Variants in NQO1 observed in about 807,000 individuals in gnomAD.
The protein encoded by NQO1 is NAD(P)H quinone dehydrogenase 1.
Under a neutral mutation model 32.1 loss-of-function variants are expected in NQO1, and 30 were observed. The observed-to-expected ratio is 0.94, with a 90% CI of 0.70 to 1.27. The LOEUF (loss-of-function observed/expected upper bound fraction) is 1.27, where lower values mean the gene tolerates loss of function less well. NQO1 is among the 50% of genes most tolerant of loss of function. The pLI, the probability that NQO1 is intolerant of heterozygous loss-of-function variation, is 0.00. For synonymous variants in NQO1, 109 were observed against 119.7 expected (o/e 0.91, Z 0.59); for missense variants, 276 against 331.3 (o/e 0.83, Z 1.30).
chr16:69,711,878 T>C (rs2038046585), intron 5 of NQO1, among the ~76,000 whole-genome samples: 1 of 152,058 alleles, frequency 6.6e-6, no homozygotes, highest in Admixed American at 6.6e-5. Flanking sequence ...GGTCTCGAAC[T>C]CCTGACCTCA....
chr16:69,711,061 T>C lies in NQO1; in HGVS notation c.740A>G (p.Glu247Gly). 6.2e-7 allele frequency: 1 copy of C among 1,614,216 alleles called. No homozygotes were observed. The highest frequency in any genetic ancestry group is 8.5e-7 in the Non-Finnish European group (1 of 1,180,038). Residue 247 changes from glutamate to glycine, a missense_variant, in exon 6 of 6, where the codon GAG (glutamate) becomes GGG (glycine). Coordinates refer to ENST00000320623, the MANE Select transcript of NQO1 (RefSeq NM_000903.3). ...AGAAAGGCCAAATTTCTTGTTTTTC[T>C]CCTCATCCTGTACCTCTTTTTTCAT... ...FLMKKEVQDE[E>G]KNKKFGLSVG...
rs754101677 is a variant in NQO1, at chr16:69,711,104, A to G, written c.697T>C (p.Phe233Leu). 8.1e-6 allele frequency: 13 copies of G among 1,614,170 alleles called. No homozygotes were observed. Among genetic ancestry groups the G allele is most frequent in the Non-Finnish European group, 1.1e-5 (13 of 1,180,032 alleles). ...TTTTTCATTAAGAATCCTGCCTGGAAGTTTAGGTCAAAGAGGCTGCTTGGA... is the reference window on the plus strand; with the variant it reads ...TTTTTCATTAAGAATCCTGCCTGGAGGTTTAGGTCAAAGAGGCTGCTTGGA... ...FAPSSLFDLN[F>L]QAGFLMKKEV... Residue 233 changes from phenylalanine (F) to leucine (L), a missense_variant, in exon 6 of 6, where the codon TTC becomes CTC. By Grantham distance (22) the Phe-to-Leu change is conservative. Coordinates refer to ENST00000320623, the MANE Select transcript of NQO1 (RefSeq NM_000903.3).
intron 5 of NQO1, among the ~76,000 whole-genome samples, chr16:69,712,159 C>T (rs1335588043): frequency 1.3e-5 from 2 of 152,086 alleles, no homozygotes; most frequent in African/African-American, 4.8e-5. Context: ...GTGATCATAG[C>T]TCATTGCAGC....
intron 1 of NQO1, among the ~76,000 whole-genome samples, chr16:69,722,785 T>C (rs1211164866): frequency 6.6e-6 from 1 of 152,184 alleles, no homozygotes. Context: ...TGAGGCTGCC[T>C]CAACAAATTC....
chr16:69,724,185 C>T lies in NQO1; in HGVS notation c.7+2248G>A, dbSNP rs552086023. ...ACAATTAGCTGGGCGTGGTGGTGGG[C>T]GCCTGTAATCCCAGCTACTTGGGAG... On this transcript the variant is annotated intron_variant, in intron 1 of 5. Transcript: ENST00000320623. Among the ~76,000 whole-genome samples the T allele has an allele frequency of 2.2e-3, 334 of 151,858 alleles. 2 individuals are homozygous for T. Among genetic ancestry groups the T allele is most frequent in the South Asian group, 5.0e-3 (24 of 4,792 alleles).
chr16:69,718,666 G>A, intron 1 of NQO1, 132 bp from the exon 2 acceptor site: 2 of 790,332 alleles, frequency 2.5e-6, no homozygotes, highest in Non-Finnish European at 4.0e-6. Flanking sequence ...TCCATCTCCT[G>A]TAGCCAGAAA....
chr16:69,713,865 C>A (rs185417413), intron 4 of NQO1, among the ~76,000 whole-genome samples: 1 of 150,780 alleles, frequency 6.6e-6, no homozygotes, highest in South Asian at 2.1e-4. Context: ...CCACCACATC[C>A]GGCTAATTTT....
At chr16:69,717,089 AAAAG>A (rs2038123097) in intron 3 of NQO1, among the ~76,000 whole-genome samples, 1 of 151,334 alleles carries the variant, frequency 6.6e-6, no homozygotes, top group African/African-American at 2.5e-5. Flanking sequence ...CTAAAAAAAA[AAAAG>A]AGAGAGAGAG....
chr16:69,713,888 G>GTTTTTTTTGTTTGTTTTTTTT (rs376877333), intron 4 of NQO1, among the ~76,000 whole-genome samples: 1 of 130,030 alleles, frequency 7.7e-6, no homozygotes, highest in East Asian at 2.6e-4. Flanking sequence ...TTTTGTTTTT[G>GTTTTTTTTGTTTGTTTTTTTT]TTTTTGATAT....
chr16:69,717,022 G>T (rs569858682), intron 3 of NQO1, among the ~76,000 whole-genome samples: 3 of 151,562 alleles, frequency 2.0e-5, no homozygotes, highest in East Asian at 1.9e-4. Flanking sequence ...TTAGCAACAG[G>T]CCTGTGGGTA....
At chr16:69,713,723 G>C (rs7200270) in intron 4 of NQO1, among the ~76,000 whole-genome samples, 126,660 of 151,348 alleles carry the variant, frequency 0.84, 53,093 homozygotes, top group Admixed American at 0.9. Flanking sequence ...TTTTTTTCCT[G>C]TGAGACAGAG....
At chr16:69,713,258 C>T in intron 4 of NQO1, 129 bp from the exon 5 acceptor site, 1 of 705,914 alleles carries the variant, frequency 1.4e-6, no homozygotes, top group South Asian at 1.8e-5. Flanking sequence ...TTACTTCATA[C>T]TTTGGCTCCC....
At chr16:69,722,324 G>T (rs1472951980) in intron 1 of NQO1, among the ~76,000 whole-genome samples, 2 of 151,978 alleles carry the variant, frequency 1.3e-5, no homozygotes, top group African/African-American at 4.8e-5. Flanking sequence ...CACCACGCCC[G>T]GCTAATTTTT....
chr16:69,726,421 T>A lies in NQO1; in HGVS notation c.7+12A>T. 1 of 1,612,236 alleles carries A rather than the reference T, an allele frequency of 6.2e-7. No individual in the cohort carries two copies. Among genetic ancestry groups the A allele is most frequent in the South Asian group, 1.1e-5 (1 of 91,026 alleles). ...GACGACCGCCAAGCACCCCGCCCTTTGCAGCACTCACCGACCATGGCTCTG... is the reference window on the plus strand; with the variant it reads ...GACGACCGCCAAGCACCCCGCCCTTAGCAGCACTCACCGACCATGGCTCTG... On this transcript the variant is annotated intron_variant, in intron 1 of 5. Coordinates refer to ENST00000320623, the MANE Select transcript of NQO1 (RefSeq NM_000903.3).
chr16:69,717,449 A>G (rs2038128477), intron 3 of NQO1, among the ~76,000 whole-genome samples: 1 of 152,206 alleles, frequency 6.6e-6, no homozygotes, highest in African/African-American at 2.4e-5. Context: ...GGAGAACTGC[A>G]AATTTTGAGA....
intron 3 of NQO1, among the ~76,000 whole-genome samples, chr16:69,717,636 C>T (rs1385119210): frequency 2.7e-5 from 4 of 149,876 alleles, no homozygotes; most frequent in Admixed American, 2.7e-4. Context: ...GACAGAATCT[C>T]GCTCTGTCGC....
In NQO1 at chr16:69,711,048, T is replaced by C. The variant is rs762399093; in HGVS notation, c.753A>G (p.Lys251=). ...AGTGATGGCCCACAGAAAGGCCAAA[T>C]TTCTTGTTTTTCTCCTCATCCTGTA... ...KEVQDEEKNK[K]FGLSVGHHLG... is the part of the protein sequence containing the mutation. Residue 251 remains lysine (K), a synonymous_variant, in exon 6 of 6, where the codon AAA becomes AAG. Coordinates refer to ENST00000320623, the MANE Select transcript of NQO1 (RefSeq NM_000903.3). 1.9e-6 allele frequency: 3 copies of C among 1,614,062 alleles called. No homozygotes were observed. In the East Asian group the frequency reaches 6.7e-5, roughly 36 times the overall value.
chr16:69,726,355 C>G, intron 1 of NQO1, 78 bp downstream of exon 1: 1 of 1,581,094 alleles, frequency 6.3e-7, no homozygotes, highest in Non-Finnish European at 8.6e-7. Context: ...AATTCAGGGC[C>G]AAGCCCCTAC....
chr16:69,710,935 G>C lies in NQO1; in HGVS notation c.*41C>G. 1 of 1,568,924 alleles carries C rather than the reference G, an allele frequency of 6.4e-7. No individual in the cohort carries two copies. The highest frequency in any genetic ancestry group is 8.6e-7 in the Non-Finnish European group (1 of 1,157,138). ...TCAGGGAAGCCTGGAAAGATACCCAGATTTGATAACATGTTAGAAGGAAAT... is the reference window on the plus strand; with the variant it reads ...TCAGGGAAGCCTGGAAAGATACCCACATTTGATAACATGTTAGAAGGAAAT... On this transcript the variant is annotated 3_prime_UTR_variant, in exon 6 of 6. Coordinates refer to ENST00000320623, the MANE Select transcript of NQO1 (RefSeq NM_000903.3).
Sources: gnomAD v4.1 joint callset for allele counts (sites outside exome capture counted in the v4.1 genomes callset) on GRCh38, gnomAD v4.1.1 for gene constraint, MANE v1.5 for transcripts, NCBI Gene and HGNC (gene_info 2026-07-23, HGNC 2026-07-21) for gene names.